DTNB: variants seen among roughly 807,000 people sequenced by gnomAD.
The protein encoded by DTNB is dystrobrevin beta.
A neutral mutation model predicts 90.7 loss-of-function variants in DTNB; 63 were observed. The observed-to-expected ratio is 0.69, with a 90% CI of 0.57 to 0.86. The LOEUF is 0.86. Among genes scored for constraint, DTNB ranks in the 40% least tolerant of loss-of-function variants. The pLI, the probability that DTNB is intolerant of heterozygous loss-of-function variation, is 0.00. For synonymous variants in DTNB, 277 were observed against 286.7 expected, an observed-to-expected ratio of 0.97 and a Z score of 0.34; for missense variants, 744 against 807.1, an observed-to-expected ratio of 0.92 and a Z score of 0.95.
chr2:25,583,219 C>T (rs1477322042), intron 6 of DTNB, among the ~76,000 whole-genome samples: 3 of 143,310 alleles, frequency 2.1e-5, no homozygotes, highest in Non-Finnish European at 4.5e-5. Context: ...TGCACTCCAG[C>T]CTGAGTGATG....
Position 25,377,450 on chromosome 2 carries a change from A to G in DTNB, c.*133T>C, listed in dbSNP as rs1244900304. Reference sequence around the variant, plus strand: ...GGTGGAGTGACGTCTGGCAGCCTGCAAGCCTGGTCCAGGTGTGCGGTGGAA... The same window carrying G: ...GGTGGAGTGACGTCTGGCAGCCTGCGAGCCTGGTCCAGGTGTGCGGTGGAA... On this transcript the variant is annotated 3_prime_UTR_variant, in exon 21 of 21. Transcript: ENST00000406818. The G allele has an allele frequency of 6.5e-6, 1 of 152,754 alleles. No homozygotes were observed. Among genetic ancestry groups the G allele is most frequent in the Non-Finnish European group, 1.5e-5 (1 of 68,122 alleles). The allele number at this position is 152,754 out of a possible 1,614,324, so 9.5% of individuals were successfully genotyped here. A position where few individuals can be genotyped will look rare whatever the true frequency, so the allele number is the denominator to read the frequency against.
intron 11 of DTNB, among the ~76,000 whole-genome samples, chr2:25,452,469 A>C (rs1186541049): frequency 6.6e-6 from 1 of 152,234 alleles, no homozygotes; most frequent in East Asian, 1.9e-4. Flanking sequence ...GGACTGGCAG[A>C]TGCTTTAAGA....
At chr2:25,448,067 A>C (rs2058693749) in intron 12 of DTNB, among the ~76,000 whole-genome samples, 1 of 151,998 alleles carries the variant, frequency 6.6e-6, no homozygotes, top group Non-Finnish European at 1.5e-5. Context: ...TCAGATCCCA[A>C]CTCAAGTAAC....
chr2:25,522,101 C>T (rs148716214), intron 9 of DTNB, among the ~76,000 whole-genome samples: 8 of 152,284 alleles, frequency 5.3e-5, no homozygotes, highest in South Asian at 2.1e-4. Flanking sequence ...CAGAGGTAGA[C>T]GTGGTATAAA....
intron 2 of DTNB, among the ~76,000 whole-genome samples, chr2:25,643,869 G>A (rs1185487729): frequency 2.6e-5 from 4 of 152,180 alleles, no homozygotes; most frequent in African/African-American, 9.7e-5. Flanking sequence ...CACAGGATGA[G>A]ATAGGAGGTC....
chr2:25,586,887 A>C (rs924690256), intron 6 of DTNB, among the ~76,000 whole-genome samples: 6 of 152,202 alleles, frequency 3.9e-5, no homozygotes, highest in Non-Finnish European at 8.8e-5. Context: ...GAGAAATGCA[A>C]ATCAAAACTA....
At chr2:25,521,611 T>TC (rs1553482719) in intron 9 of DTNB, among the ~76,000 whole-genome samples, 4 of 151,890 alleles carry the variant, frequency 2.6e-5, no homozygotes, top group Non-Finnish European at 4.4e-5. Flanking sequence ...CTTGAACTCC[T>TC]GTGATCCACT....
At chr2:25,669,809 T>C (rs1374616685) in intron 1 of DTNB, among the ~76,000 whole-genome samples, 1 of 151,366 alleles carries the variant, frequency 6.6e-6, no homozygotes, top group Non-Finnish European at 1.5e-5. Flanking sequence ...TTTTAAATGG[T>C]GGCACGCAAG....
At chr2:25,620,847 C>A (rs2072377689) in intron 4 of DTNB, among the ~76,000 whole-genome samples, 1 of 152,066 alleles carries the variant, frequency 6.6e-6, no homozygotes, top group Non-Finnish European at 1.5e-5. Flanking sequence ...CACTGAGAAA[C>A]AGCTCTGAAA....
chr2:25,600,030 G>A (rs1362693087), intron 5 of DTNB, among the ~76,000 whole-genome samples: 2 of 152,192 alleles, frequency 1.3e-5, no homozygotes, highest in Non-Finnish European at 1.5e-5. Context: ...TGCAGAAGTT[G>A]GGGGCTGCAG....
chr2:25,607,143 A>C, intron 5 of DTNB, 93 bp downstream of exon 5: 2 of 1,355,648 alleles, frequency 1.5e-6, no homozygotes, highest in Non-Finnish European at 2.0e-6. Flanking sequence ...TTTTTTTAAA[A>C]GCTCAATATA....
chr2:25,607,414 T>C, intron 4 of DTNB, 93 bp from the exon 5 acceptor site: 2 of 1,187,440 alleles, frequency 1.7e-6, no homozygotes, highest in Non-Finnish European at 2.3e-6. Context: ...AGTAAGTTGA[T>C]TCCTGACCTT....
At chr2:25,658,604 A>C (rs1215061935) in intron 1 of DTNB, among the ~76,000 whole-genome samples, 1 of 152,266 alleles carries the variant, frequency 6.6e-6, no homozygotes, top group Non-Finnish European at 1.5e-5. Flanking sequence ...CAAAGTATCA[A>C]GCCATCAAAA....
intron 12 of DTNB, among the ~76,000 whole-genome samples, chr2:25,442,766 A>G (rs935175282): frequency 2.0e-5 from 3 of 152,260 alleles, no homozygotes; most frequent in African/African-American, 7.2e-5. Context: ...CCTGTGTTTG[A>G]ATCTCAAATC....
chr2:25,592,031 A>T (rs1004495614), intron 6 of DTNB, among the ~76,000 whole-genome samples: 1 of 145,308 alleles, frequency 6.9e-6, no homozygotes, highest in African/African-American at 2.6e-5. Flanking sequence ...AATGTACTCC[A>T]GCCTGGGTGA....
intron 2 of DTNB, among the ~76,000 whole-genome samples, chr2:25,644,415 T>C (rs1450570001): frequency 6.6e-6 from 1 of 152,216 alleles, no homozygotes; most frequent in Non-Finnish European, 1.5e-5. Context: ...GATGTAAGCA[T>C]AATATAATGC....
At chr2:25,642,226 T>C (rs1173521630) in intron 2 of DTNB, among the ~76,000 whole-genome samples, 1 of 152,180 alleles carries the variant, frequency 6.6e-6, no homozygotes, top group Non-Finnish European at 1.5e-5. Context: ...TGTGTGTGTG[T>C]TGATAGGAGA....
At chr2:25,647,702 C>CTG (rs1559376297) in intron 2 of DTNB, among the ~76,000 whole-genome samples, 1 of 152,052 alleles carries the variant, frequency 6.6e-6, no homozygotes, top group African/African-American at 2.4e-5. Context: ...GAGCAATACC[C>CTG]TGTCTCTATC....
At chr2:25,626,468 A>T (rs1257021508) in intron 4 of DTNB, among the ~76,000 whole-genome samples, 3 of 152,200 alleles carry the variant, frequency 2.0e-5, no homozygotes, top group African/African-American at 7.2e-5. Flanking sequence ...TCTTATTTTT[A>T]AAATTCAGAT....
Sources: allele counts gnomAD v4.1 joint callset (sites outside exome capture counted in the v4.1 genomes callset), GRCh38; gene constraint gnomAD v4.1.1; transcripts MANE v1.5; gene names NCBI Gene and HGNC (gene_info 2026-07-23, HGNC 2026-07-21).